LRRC4C: variants seen among roughly 807,000 people sequenced by gnomAD.
The protein encoded by LRRC4C is leucine-rich repeat-containing protein 4C.
LRRC4C carries 5 observed loss-of-function variants against 33.6 expected under a neutral mutation model. The observed-to-expected ratio is 0.15, with a 90% CI of 0.08 to 0.31. LRRC4C has a LOEUF of 0.31. Among genes scored for constraint, LRRC4C ranks in the 10% least tolerant of loss-of-function variants. LRRC4C has a pLI of 1.00. For missense variants in LRRC4C, 560 were observed against 796.7 expected, an observed-to-expected ratio of 0.70 and a Z score of 3.58; for synonymous variants, 329 against 302.0, an observed-to-expected ratio of 1.09 and a Z score of -0.93.
chr11:40,471,100 G>T (rs992724887), intron 3 of LRRC4C, among the ~76,000 whole-genome samples: 5 of 152,110 alleles, frequency 3.3e-5, no homozygotes, highest in Admixed American at 1.3e-4. Flanking sequence ...CACCAAGGCT[G>T]AAATGAAGGA....
intron 2 of LRRC4C, among the ~76,000 whole-genome samples, chr11:40,920,672 C>G (rs1957135031): frequency 6.6e-6 from 1 of 152,016 alleles, no homozygotes; most frequent in Non-Finnish European, 1.5e-5. Flanking sequence ...CTCAATTCAC[C>G]CATTTATCTC....
At chr11:40,946,116 T>C (rs547855679) in intron 1 of LRRC4C, among the ~76,000 whole-genome samples, 2 of 152,228 alleles carry the variant, frequency 1.3e-5, no homozygotes, top group South Asian at 2.1e-4. Context: ...GTCCTCAGTG[T>C]CTATTGTCAG....
At chr11:41,253,131 C>T (rs766059805) in intron 1 of LRRC4C, among the ~76,000 whole-genome samples, 87 of 152,102 alleles carry the variant, frequency 5.7e-4, no homozygotes, top group Non-Finnish European at 1.2e-3. Context: ...TACTGTAGAC[C>T]AACTTTGAAG....
At chr11:41,317,248 A>ATT (rs34146024) in intron 1 of LRRC4C, among the ~76,000 whole-genome samples, 139 of 148,846 alleles carry the variant, frequency 9.3e-4, no homozygotes, top group Middle Eastern at 3.5e-3. Context: ...TAAGCCACTG[A>ATT]TTTTTTTTTT....
At chr11:40,273,100 C>T (rs141523924) in intron 4 of LRRC4C, among the ~76,000 whole-genome samples, 2 of 152,128 alleles carry the variant, frequency 1.3e-5, no homozygotes, top group East Asian at 1.9e-4. Context: ...GCTTTAAATA[C>T]ACTTTAAGCT....
At chr11:40,782,981 T>C (rs1950273618) in intron 2 of LRRC4C, among the ~76,000 whole-genome samples, 1 of 152,166 alleles carries the variant, frequency 6.6e-6, no homozygotes, top group Non-Finnish European at 1.5e-5. Context: ...GACCACCACT[T>C]GGCTAGTGCC....
intron 3 of LRRC4C, among the ~76,000 whole-genome samples, chr11:40,586,563 G>C (rs1000092694): frequency 6.0e-5 from 9 of 148,762 alleles, no homozygotes; most frequent in African/African-American, 2.2e-4. Flanking sequence ...CCTATGTCCT[G>C]AATGGTAATG....
intron 2 of LRRC4C, among the ~76,000 whole-genome samples, chr11:40,812,377 G>T (rs1421909165): frequency 6.6e-6 from 1 of 152,082 alleles, no homozygotes; most frequent in Non-Finnish European, 1.5e-5. Context: ...TGTATCAGCA[G>T]ATTATGTTTG....
At chr11:41,457,097 T>TTTG (rs745451398) in intron 1 of LRRC4C, among the ~76,000 whole-genome samples, 4 of 152,314 alleles carry the variant, frequency 2.6e-5, no homozygotes, top group South Asian at 2.1e-4. Context: ...GTTGGTATCT[T>TTTG]TTGTTGTTGT....
At chr11:40,886,684 A>G (rs1955473927) in intron 2 of LRRC4C, among the ~76,000 whole-genome samples, 2 of 151,990 alleles carry the variant, frequency 1.3e-5, no homozygotes, top group African/African-American at 2.4e-5. Flanking sequence ...CTTTAAATAC[A>G]GAAACTTCTA....
At chr11:41,115,643 T>C (rs1942077692) in intron 1 of LRRC4C, among the ~76,000 whole-genome samples, 1 of 152,064 alleles carries the variant, frequency 6.6e-6, no homozygotes, top group African/African-American at 2.4e-5. Context: ...AAAATTTATA[T>C]TAATATTCTG....
intron 4 of LRRC4C, among the ~76,000 whole-genome samples, chr11:40,259,131 C>T (rs554671255): frequency 4.0e-4 from 61 of 152,274 alleles, no homozygotes; most frequent in African/African-American, 1.4e-3. Context: ...GGCCAGAATT[C>T]AGGCAAGCAG....
At chr11:40,814,390 C>A (rs1408500330) in intron 2 of LRRC4C, among the ~76,000 whole-genome samples, 2 of 152,102 alleles carry the variant, frequency 1.3e-5, no homozygotes, top group African/African-American at 4.8e-5. Flanking sequence ...GGACGCAGGG[C>A]ACCAAGTCCC....
chr11:41,143,031 C>G (rs1222642987), intron 1 of LRRC4C, among the ~76,000 whole-genome samples: 1 of 152,106 alleles, frequency 6.6e-6, no homozygotes, highest in African/African-American at 2.4e-5. Flanking sequence ...TCAATCCTGT[C>G]TATTTCCTCT....
At chr11:41,437,401 A>G (rs1442737351) in intron 1 of LRRC4C, among the ~76,000 whole-genome samples, 1 of 138,116 alleles carries the variant, frequency 7.2e-6, no homozygotes, top group Non-Finnish European at 1.6e-5. Flanking sequence ...ACACACACGC[A>G]CACACACAAA....
chr11:41,202,872 G>A (rs1261318147), intron 1 of LRRC4C, among the ~76,000 whole-genome samples: 1 of 150,664 alleles, frequency 6.6e-6, no homozygotes, highest in Non-Finnish European at 1.5e-5. Context: ...TGCAACCTCC[G>A]CCTCCCGGGT....
chr11:40,665,364 G>GTATA (rs1189493857), intron 2 of LRRC4C, among the ~76,000 whole-genome samples: 365 of 24,508 alleles, frequency 0.015, 2 homozygotes, highest in African/African-American at 0.039. Flanking sequence ...ATATATATAT[G>GTATA]TATATATATA....
At chr11:40,887,346 G>C (rs1176108070) in intron 2 of LRRC4C, among the ~76,000 whole-genome samples, 3 of 151,918 alleles carry the variant, frequency 2.0e-5, no homozygotes, top group Admixed American at 2.0e-4. Context: ...AACAAACTTA[G>C]CATCATTTAA....
At chr11:40,846,607 G>GC (rs1554974312) in intron 2 of LRRC4C, among the ~76,000 whole-genome samples, 1 of 151,506 alleles carries the variant, frequency 6.6e-6, no homozygotes, top group Non-Finnish European at 1.5e-5. Flanking sequence ...TTCCAGCTTT[G>GC]TTTTTTTGCT....
Sources: allele counts gnomAD v4.1 joint callset (sites outside exome capture counted in the v4.1 genomes callset), GRCh38; gene constraint gnomAD v4.1.1; transcripts MANE v1.5; gene names NCBI Gene and HGNC (gene_info 2026-07-23, HGNC 2026-07-21).